The following TIAM1 variants were observed in gnomAD, a reference collection of about 807,000 sequenced individuals.
TIAM1 encodes the protein rho guanine nucleotide exchange factor TIAM1.
Under a neutral mutation model 163.5 loss-of-function variants are expected in TIAM1, and 65 were observed. That is an observed-to-expected ratio of 0.40 (90% confidence interval 0.33 to 0.49). The LOEUF (loss-of-function observed/expected upper bound fraction) is 0.49, where lower values mean the gene tolerates loss of function less well. TIAM1 is among the 20% of genes least tolerant of loss of function. TIAM1 has a pLI of 0.77. For missense variants in TIAM1, 1,789 were observed against 2,044.7 expected (o/e 0.87, Z 2.41); for synonymous variants, 833 against 810.1 (o/e 1.03, Z -0.48).
At chr21:31,535,609 C>T (rs1000257866) in intron 1 of TIAM1, among the ~76,000 whole-genome samples, 1 of 152,054 alleles carries the variant, frequency 6.6e-6, no homozygotes, top group Non-Finnish European at 1.5e-5. Context: ...AAGGGGATGT[C>T]AGAGCTCCTG....
At chr21:31,152,933 CA>C (rs1568928415) in intron 18 of TIAM1, 132 bp downstream of exon 18, 1 of 1,258,402 alleles carries the variant, frequency 7.9e-7, no homozygotes, top group Non-Finnish European at 1.1e-6. Flanking sequence ...GCTTAGCAGG[CA>C]ATAATTTCAG....
rs1311167412 is a variant in TIAM1, at chr21:31,251,608, TG to T, written c.1411+133del. 2.1e-5 allele frequency: 19 copies of T among 920,462 alleles called. No homozygotes were observed. In the Middle Eastern group the frequency reaches 1.4e-3, roughly 67 times the overall value. The allele number at this position is 920,462 out of a possible 1,614,324, so 57.0% of individuals were successfully genotyped here. A position where few individuals can be genotyped will look rare whatever the true frequency, so the allele number is the denominator to read the frequency against. On this transcript the variant is annotated intron_variant, in intron 5 of 27. Transcript: ENST00000541036. ...TGCGAAGTGCTCTTACTATGATAAA[TG>T]TTTTAAATTAGTATGATTTTCAAAT...
intron 11 of TIAM1, among the ~76,000 whole-genome samples, chr21:31,204,061 T>C (rs1309181857): frequency 1.3e-5 from 2 of 152,164 alleles, no homozygotes; most frequent in South Asian, 2.1e-4. Flanking sequence ...TAAGTAATAA[T>C]ACCAACATGG....
chr21:31,167,088 CTTTTTTTTT>C (rs72031739), intron 15 of TIAM1, among the ~76,000 whole-genome samples: 2 of 125,104 alleles, frequency 1.6e-5, no homozygotes, highest in South Asian at 2.5e-4. Flanking sequence ...AAAGGATTTC[CTTTTTTTTT>C]TTTTTTTTTT....
At chr21:31,195,089 C>T (rs1334855404) in intron 13 of TIAM1, 135 bp downstream of exon 13, 10 of 586,490 alleles carry the variant, frequency 1.7e-5, no homozygotes, top group Non-Finnish European at 2.6e-5. Context: ...GTGTGGCTGC[C>T]CTCCACAGAG....
At chr21:31,173,459 T>C (rs955817015) in intron 15 of TIAM1, among the ~76,000 whole-genome samples, 6 of 150,106 alleles carry the variant, frequency 4.0e-5, no homozygotes, top group African/African-American at 1.5e-4. Context: ...ATACCCATAA[T>C]AACATCAGCA....
chr21:31,349,953 G>A (rs1428048532), intron 2 of TIAM1, among the ~76,000 whole-genome samples: 1 of 152,204 alleles, frequency 6.6e-6, no homozygotes, highest in Non-Finnish European at 1.5e-5. Context: ...ATGGGCGAAT[G>A]GGCACTAAAC....
intron 2 of TIAM1, among the ~76,000 whole-genome samples, chr21:31,353,829 A>ATTT (rs2076272212): frequency 1.5e-5 from 1 of 67,224 alleles, no homozygotes; most frequent in Non-Finnish European, 3.1e-5. Flanking sequence ...TTATTTATTT[A>ATTT]TTTATCTTTT....
At chr21:31,127,483 A>G (rs1218608641) in intron 25 of TIAM1, among the ~76,000 whole-genome samples, 1 of 146,474 alleles carries the variant, frequency 6.8e-6, no homozygotes. Context: ...CGGTGGTGTG[A>G]TCTCAGCTCA....
rs767454750 is a variant in TIAM1, at chr21:31,120,434, G to A, written c.4710C>T (p.Ser1570=). 18 of 1,614,058 alleles carry A rather than the reference G, an allele frequency of 1.1e-5. No individual in the cohort carries two copies. In the African/African-American group the frequency reaches 1.7e-4, roughly 16 times the overall value. Residue 1570 remains serine, a synonymous_variant, in exon 28 of 28, where the codon AGC becomes AGT. Transcript: ENST00000541036. The surrounding 1 kb of genome is among the most constrained non-coding windows in gnomAD (Gnocchi z 4.2). The part of the protein sequence containing the change: ...SGINGGLESA[S]EEVIWVRRED... ...CACGCCTAACCCAAATGACTTCCTCGCTTGCGCTCTCCAGGCCTCCATTGA... is the reference window on the plus strand; with the variant it reads ...CACGCCTAACCCAAATGACTTCCTCACTTGCGCTCTCCAGGCCTCCATTGA...
At chr21:31,306,296 T>A in intron 2 of TIAM1, among the ~76,000 whole-genome samples, 1 of 150,896 alleles carries the variant, frequency 6.6e-6, no homozygotes, top group East Asian at 2.0e-4. Flanking sequence ...AAAAAAAAAA[T>A]CAATAAATAA....
intron 9 of TIAM1, among the ~76,000 whole-genome samples, chr21:31,213,866 C>CCAA (rs71318260): frequency 1.1e-4 from 6 of 54,876 alleles, no homozygotes; most frequent in African/African-American, 3.7e-4. Flanking sequence ...CTCATCTCTA[C>CCAA]AAAAAAAAAA....
chr21:31,355,173 CAAA>C (rs35512560), intron 2 of TIAM1, among the ~76,000 whole-genome samples: 17 of 128,534 alleles, frequency 1.3e-4, no homozygotes, highest in Admixed American at 3.9e-4. Context: ...CCCCCACCAC[CAAA>C]AAAAAAAAAA....
intron 14 of TIAM1, 132 bp downstream of exon 14, chr21:31,186,869 G>A: frequency 3.9e-6 from 3 of 761,250 alleles, no homozygotes; most frequent in East Asian, 2.5e-5. Flanking sequence ...TTCCCTGGAA[G>A]GGTTTTCAAT....
chr21:31,301,137 A>G (rs1239639630), intron 2 of TIAM1, among the ~76,000 whole-genome samples: 1 of 152,202 alleles, frequency 6.6e-6, no homozygotes, highest in Non-Finnish European at 1.5e-5. Context: ...GAATATTCCC[A>G]GTGCTTAGGA....
Position 31,211,458 on chromosome 21 carries a change from G to A in TIAM1, c.2218-1243C>T, listed in dbSNP as rs2300340. Among the ~76,000 whole-genome samples, 388 of 152,322 alleles carry A rather than the reference G, an allele frequency of 2.5e-3. 2 individuals carry two copies. The highest frequency in any genetic ancestry group is 0.017 in the Middle Eastern group (5 of 294). On this transcript the variant is annotated intron_variant, in intron 10 of 27. Coordinates refer to ENST00000541036, the MANE Select transcript of TIAM1 (RefSeq NM_001353694.2). ...AACCAGGCCACTAGTTGGTAAATAT[G>A]TATCTACTGATGACCAAGAACAAGG...
intron 1 of TIAM1, among the ~76,000 whole-genome samples, chr21:31,514,976 T>C (rs2047334001): frequency 6.6e-6 from 1 of 152,196 alleles, no homozygotes; most frequent in South Asian, 2.1e-4. Context: ...ATTATGTCTA[T>C]TACACAGGCA....
chr21:31,553,783 G>A (rs1032529509), intron 1 of TIAM1, among the ~76,000 whole-genome samples: 10 of 151,990 alleles, frequency 6.6e-5, no homozygotes, highest in Non-Finnish European at 1.5e-4. Context: ...ACAAGCAGAC[G>A]TCACTATTGT....
chr21:31,224,541 G>A (rs369857185), intron 7 of TIAM1, among the ~76,000 whole-genome samples: 1 of 152,202 alleles, frequency 6.6e-6, no homozygotes, highest in East Asian at 1.9e-4. Context: ...GCAAATCCAT[G>A]AAGACAGAGT....
Sources: gnomAD v4.1 joint callset for allele counts (sites outside exome capture counted in the v4.1 genomes callset) on GRCh38, gnomAD v4.1.1 for gene constraint, Gnocchi (gnomAD v3.1) non-coding constraint, MANE v1.5 for transcripts, NCBI Gene and HGNC (gene_info 2026-07-23, HGNC 2026-07-21) for gene names.